MAP2K1: variants seen among roughly 807,000 people sequenced by gnomAD.
The protein encoded by MAP2K1 is mitogen-activated protein kinase kinase 1, also known as dual specificity mitogen-activated protein kinase kinase 1.
In MAP2K1, 16 loss-of-function variants were observed where a neutral mutation model predicts 46.3. The ratio of observed to expected loss-of-function variants is 0.35; its 90% CI spans 0.23 to 0.52. MAP2K1 has a LOEUF of 0.52. Among genes scored for constraint, MAP2K1 ranks in the 20% least tolerant of loss-of-function variants. MAP2K1 has a pLI of 0.94. For missense variants in MAP2K1, 263 were observed against 497.1 expected (o/e 0.53, Z 4.48); for synonymous variants, 183 against 185.6 (o/e 0.99, Z 0.11).
At chr15:66,392,252 TGG>T (rs869266602) in intron 1 of MAP2K1, among the ~76,000 whole-genome samples, 22 of 112,542 alleles carry the variant, frequency 2.0e-4, no homozygotes, top group East Asian at 1.7e-3. Flanking sequence ...GTGTTTTTTT[TGG>T]GTTTTTTTTT....
rs771041748 is a variant in MAP2K1 at position 66,490,645 on chromosome 15, C to T, written c.*30C>T. 2 of 1,565,608 alleles carry T rather than the reference C, an allele frequency of 1.3e-6. No individual in the cohort carries two copies. Among genetic ancestry groups the T allele is most frequent in the Non-Finnish European group, 8.8e-7 (1 of 1,135,722 alleles). On this transcript the variant is annotated 3_prime_UTR_variant, in exon 11 of 11. Transcript: ENST00000307102. ...TTGGGAAGCAACAAAGAGCGAGTCC[C>T]CTGCCCGGTGGTTTGCCATGTCGCT...
chr15:66,390,018 T>G (rs1249150291), intron 1 of MAP2K1, among the ~76,000 whole-genome samples: 1 of 152,228 alleles, frequency 6.6e-6, no homozygotes. Flanking sequence ...TGGCTGCTGG[T>G]GCCTTTGTTA....
At chr15:66,428,704 CT>C (rs1443854842) in intron 1 of MAP2K1, among the ~76,000 whole-genome samples, 25 of 151,794 alleles carry the variant, frequency 1.6e-4, no homozygotes, top group East Asian at 3.8e-4. Context: ...TTACTTCCCC[CT>C]GAAGGGTAAT....
chr15:66,471,238 C>T (rs772262852), intron 5 of MAP2K1, among the ~76,000 whole-genome samples: 3 of 152,150 alleles, frequency 2.0e-5, no homozygotes, highest in Non-Finnish European at 4.4e-5. Flanking sequence ...GAGAAGGAAT[C>T]TGATTCCTTA....
chr15:66,435,351 A>T (rs993985333), intron 2 of MAP2K1, 114 bp downstream of exon 2: 20 of 613,950 alleles, frequency 3.3e-5, no homozygotes, highest in African/African-American at 2.1e-4. Flanking sequence ...TGCTGTTTGA[A>T]TTTTTTTTTT....
intron 3 of MAP2K1, among the ~76,000 whole-genome samples, chr15:66,438,011 C>G (rs1045137959): frequency 5.4e-5 from 7 of 130,018 alleles, no homozygotes; most frequent in African/African-American, 2.0e-4. Flanking sequence ...CCTTGGGTCT[C>G]TTGTGTTCTT....
chr15:66,436,742 C>G lies in MAP2K1; in HGVS notation c.292-4C>G, dbSNP rs771407622. ...AAACCTCTCTTTCTTCCACCTTTCT[C>G]CAGCTAATTCATCTGGAGATCAAAC... On this transcript the variant is annotated splice_region_variant and splice_polypyrimidine_tract_variant and intron_variant, in intron 2 of 10. Coordinates refer to ENST00000307102, the MANE Select transcript of MAP2K1 (RefSeq NM_002755.4). 1 of 1,614,130 alleles carries G rather than the reference C, an allele frequency of 6.2e-7. No homozygotes were observed. The highest frequency in any genetic ancestry group is 8.5e-7 in the Non-Finnish European group (1 of 1,179,966).
intron 5 of MAP2K1, among the ~76,000 whole-genome samples, chr15:66,466,444 T>A (rs904789160): frequency 1.1e-4 from 17 of 152,206 alleles, no homozygotes; most frequent in African/African-American, 3.9e-4. Flanking sequence ...TTTCGGAGGC[T>A]GAGGCGGGTG....
Position 66,427,523 on chromosome 15 carries a change from A to G in MAP2K1, c.81-7504A>G, listed in dbSNP as rs536507895. On this transcript the variant is annotated intron_variant, in intron 1 of 10. Transcript: ENST00000307102. ...GCAGTGAGCCAAGATGCACCACTGC[A>G]CTCCAGCCTGGGTGACAGAGCAAGA... Among the ~76,000 whole-genome samples, 4 of 151,716 alleles carry G rather than the reference A, an allele frequency of 2.6e-5. No individual in the cohort carries two copies. In the South Asian group the frequency reaches 8.4e-4, roughly 32 times the overall value.
chr15:66,469,641 A>T (rs1040248185), intron 5 of MAP2K1, among the ~76,000 whole-genome samples: 1 of 149,122 alleles, frequency 6.7e-6, no homozygotes, highest in African/African-American at 2.5e-5. Flanking sequence ...TCAAAAAAAG[A>T]CAGGGTCCTA....
intron 5 of MAP2K1, among the ~76,000 whole-genome samples, chr15:66,460,939 A>G (rs972938829): frequency 6.6e-6 from 1 of 152,096 alleles, no homozygotes; most frequent in African/African-American, 2.4e-5. Context: ...CCTGAGGCCC[A>G]TGGCCGTGCT....
intron 5 of MAP2K1, among the ~76,000 whole-genome samples, chr15:66,480,457 C>G (rs1892886968): frequency 6.6e-6 from 1 of 152,034 alleles, no homozygotes; most frequent in African/African-American, 2.4e-5. Context: ...GAATAAATAG[C>G]CAGCCATGGT....
At chr15:66,443,408 G>T in intron 4 of MAP2K1, 51 bp downstream of exon 4, 1 of 1,096,408 alleles carries the variant, frequency 9.1e-7, no homozygotes, top group South Asian at 1.2e-5. Context: ...ATAAGTTAAT[G>T]AGTCGGTAAG....
At chr15:66,441,938 G>A (rs1595864367) in intron 3 of MAP2K1, among the ~76,000 whole-genome samples, 2 of 152,246 alleles carry the variant, frequency 1.3e-5, no homozygotes, top group African/African-American at 4.8e-5. Flanking sequence ...AGCCATAGGG[G>A]AACTTAACCT....
intron 5 of MAP2K1, among the ~76,000 whole-genome samples, chr15:66,472,075 CAAAAAAAAA>C (rs56820379): frequency 3.3e-5 from 3 of 91,576 alleles, no homozygotes; most frequent in Non-Finnish European, 6.1e-5. Flanking sequence ...GACTCCATCT[CAAAAAAAAA>C]AAAAAAAAAG....
At chr15:66,447,686 CAAAAA>C (rs34064163) in intron 5 of MAP2K1, among the ~76,000 whole-genome samples, 2 of 136,590 alleles carry the variant, frequency 1.5e-5, no homozygotes, top group Non-Finnish European at 3.1e-5. Context: ...GACTCTGTCT[CAAAAA>C]AAAAAAAAAA....
At position 66,438,035 on chromosome 15, in the gene MAP2K1, T is replaced by TA. The variant is rs1308558568; in HGVS notation, c.438+1145dup. Reference sequence around the variant, plus strand: ...TCTTGTGTTCTTTTTTTTTTTTTTTTAATTTATTTTTATTTTTTAGGGTGA... The same window carrying TA: ...TCTTGTGTTCTTTTTTTTTTTTTTTTAAATTTATTTTTATTTTTTAGGGTGA... On this transcript the variant is annotated intron_variant, in intron 3 of 10. Transcript: ENST00000307102. Among the ~76,000 whole-genome samples the TA allele has an allele frequency of 8.1e-5, 12 of 147,724 alleles. No individual in the cohort carries two copies. In the South Asian group the frequency reaches 1.7e-3, roughly 21 times the overall value.
chr15:66,487,243 G>C lies in MAP2K1; in HGVS notation c.911G>C (p.Ser304Thr). 1 of 1,614,132 alleles carries C rather than the reference G, an allele frequency of 6.2e-7. No homozygotes were observed. Among genetic ancestry groups the C allele is most frequent in the Non-Finnish European group, 8.5e-7 (1 of 1,179,964 alleles). Residue 304 changes from serine (S) to threonine (T), a missense_variant, in exon 8 of 11, where the codon AGC (serine) becomes ACC (threonine). This residue lies in a region of MAP2K1 where 118 missense variants were observed against 193.0 expected (regional missense o/e 0.61). Coordinates refer to ENST00000307102, the MANE Select transcript of MAP2K1 (RefSeq NM_002755.4). ...GRPLSSYGMD[S>T]RPPMAIFELL... ...AAATTTGTAGCATACGGAATGGACA[G>C]CCGACCTCCCATGGCAATTTTTGAG...
Position 66,416,795 on chromosome 15 carries a change from T to C in MAP2K1, c.81-18232T>C, listed in dbSNP as rs541696463. On this transcript the variant is annotated intron_variant, in intron 1 of 10. Transcript: ENST00000307102. ...GGTTTGGGGTGGGGAGGGTATATTA[T>C]ATTACAGCAATACAGGTAACTTAAA... Among the ~76,000 whole-genome samples, 8 of 152,316 alleles carry C rather than the reference T, an allele frequency of 5.3e-5. No homozygotes were observed. In the South Asian group the frequency reaches 6.2e-4, roughly 12 times the overall value.
Sources: gnomAD v4.1 joint callset for allele counts (sites outside exome capture counted in the v4.1 genomes callset) on GRCh38, gnomAD v4.1.1 for gene constraint, gnomAD v4.1.1 regional missense constraint, MANE v1.5 for transcripts, NCBI Gene and HGNC (gene_info 2026-07-23, HGNC 2026-07-21) for gene names.